The following NALCN variants were observed in gnomAD, a reference collection of about 807,000 sequenced individuals.
NALCN encodes the protein sodium leak channel, non-selective.
NALCN carries 111 observed loss-of-function variants against 225.3 expected under a neutral mutation model. The observed-to-expected ratio is 0.49, with a 90% CI of 0.42 to 0.58. The LOEUF (loss-of-function observed/expected upper bound fraction) is 0.58, where lower values mean the gene tolerates loss of function less well. Ranked by LOEUF, NALCN falls within the 20% of genes least tolerant of loss-of-function variation. NALCN has a pLI of 0.00. For synonymous variants in NALCN, 764 were observed against 769.0 expected (o/e 0.99, Z 0.11); for missense variants, 1,378 against 2,202.4 (o/e 0.63, Z 7.49).
chr13:101,241,359 TGGAC>T (rs1282466074), intron 11 of NALCN, among the ~76,000 whole-genome samples: 2 of 152,226 alleles, frequency 1.3e-5, no homozygotes, highest in African/African-American at 4.8e-5. Flanking sequence ...TCTCAGATTC[TGGAC>T]GTAATGGGAT....
chr13:101,101,281 C>CTTTT lies in NALCN; in HGVS notation c.3058-397_3058-394dup, dbSNP rs60948311. Among the ~76,000 whole-genome samples the CTTTT allele has an allele frequency of 1.8e-3, 198 of 112,370 alleles. 8 individuals carry two copies. Among genetic ancestry groups the CTTTT allele is most frequent in the African/African-American group, 5.1e-3 (143 of 28,234 alleles). The allele number at this position is 112,370 out of a possible 152,430, so 73.7% of individuals were successfully genotyped here. A position where few individuals can be genotyped will look rare whatever the true frequency, so the allele number is the denominator to read the frequency against. Reference sequence around the variant, plus strand: ...GACATATATATATTTATTTTTTTTTCTTTTTTTTTTTTTTTTTGAGATGGA... The same window carrying CTTTT: ...GACATATATATATTTATTTTTTTTTCTTTTTTTTTTTTTTTTTTTTTGAGATGGA... On this transcript the variant is annotated intron_variant, in intron 26 of 43. Coordinates refer to ENST00000251127, the MANE Select transcript of NALCN (RefSeq NM_052867.4).
rs1020870201 is a variant in NALCN, at chr13:101,054,847, T to C, written c.*448A>G. ...ACCTTTTCAGATCAATCATAAATAA[T>C]AAATTCTCTCAAGAGAAATATTTCT... On this transcript the variant is annotated 3_prime_UTR_variant, in exon 44 of 44. Transcript: ENST00000251127. The C allele has an allele frequency of 6.6e-6, 1 of 151,016 alleles. No homozygotes were observed. Among genetic ancestry groups the C allele is most frequent in the African/African-American group, 2.4e-5 (1 of 41,314 alleles). The allele number at this position is 151,016 out of a possible 1,614,324, so 9.4% of individuals were successfully genotyped here. A position where few individuals can be genotyped will look rare whatever the true frequency, so the allele number is the denominator to read the frequency against.
At chr13:101,279,778 C>T (rs1226553874) in intron 10 of NALCN, among the ~76,000 whole-genome samples, 7 of 149,396 alleles carry the variant, frequency 4.7e-5, no homozygotes, top group Admixed American at 4.0e-4. Context: ...GATCCCGCCA[C>T]TGCACTCCAG....
chr13:101,400,817 G>A (rs978571912), intron 1 of NALCN, among the ~76,000 whole-genome samples: 3 of 151,980 alleles, frequency 2.0e-5, no homozygotes, highest in African/African-American at 4.8e-5. Context: ...CAATCCCCAC[G>A]TGTGGAGAGA....
intron 11 of NALCN, among the ~76,000 whole-genome samples, chr13:101,245,468 G>A (rs533191096): frequency 1.1e-4 from 16 of 152,052 alleles, no homozygotes; most frequent in Non-Finnish European, 1.9e-4. Context: ...ACCTCATGGA[G>A]TTTTGATACC....
chr13:101,294,763 A>G (rs61973667), intron 7 of NALCN, among the ~76,000 whole-genome samples: 2,137 of 152,112 alleles, frequency 0.014, 30 homozygotes, highest in Middle Eastern at 0.041. Flanking sequence ...CTTTAACATA[A>G]TATCTGTATG....
chr13:101,227,696 C>T (rs1388158593), intron 13 of NALCN, among the ~76,000 whole-genome samples: 1 of 152,180 alleles, frequency 6.6e-6, no homozygotes, highest in Admixed American at 6.5e-5. Flanking sequence ...CATCTGCTGG[C>T]TCTGGGTCTC....
intron 7 of NALCN, among the ~76,000 whole-genome samples, chr13:101,339,469 T>C (rs1009893752): frequency 6.6e-6 from 1 of 151,990 alleles, no homozygotes; most frequent in Non-Finnish European, 1.5e-5. Flanking sequence ...GAAATAAAGA[T>C]GGAAAGGTGC....
chr13:101,147,406 G>C (rs2037405903), intron 15 of NALCN, among the ~76,000 whole-genome samples: 1 of 143,870 alleles, frequency 7.0e-6, no homozygotes, highest in East Asian at 2.0e-4. Context: ...CCAGGCTGGA[G>C]TGCAGTGGTG....
chr13:101,377,022 G>T lies in NALCN; in HGVS notation c.410C>A (p.Ser137Ter). Residue 137 changes from serine (S) to a stop codon, truncating the protein, a stop_gained, in exon 5 of 44, where the codon TCA becomes TAA. Transcript: ENST00000251127. LOFTEE classifies it high-confidence loss of function. ...TGGAATCCGCAACATGCCCCAAGGT[G>T]ACATCTGATCAACTATATCAGCAAT... ...FEIADIVDQM[S>*]PWGMLRIPRP... 1 of 1,614,138 alleles carries T rather than the reference G, an allele frequency of 6.2e-7. No individual in the cohort carries two copies. The highest frequency in any genetic ancestry group is 8.5e-7 in the Non-Finnish European group (1 of 1,180,002).
At chr13:101,332,397 C>CAAAAAAAA (rs753158247) in intron 7 of NALCN, among the ~76,000 whole-genome samples, 55 of 57,746 alleles carry the variant, frequency 9.5e-4, no homozygotes, top group East Asian at 1.3e-3. Flanking sequence ...TTCACAAAGC[C>CAAAAAAAA]AAAAAAAAAA....
Position 101,416,501 on chromosome 13 carries a change from C to G in NALCN, c.-228G>C. The G allele has an allele frequency of 6.6e-6, 1 of 151,864 alleles. No homozygotes were observed. The highest frequency in any genetic ancestry group is 1.9e-4 in the East Asian group (1 of 5,162). The allele number at this position is 151,864 out of a possible 1,614,324, so 9.4% of individuals were successfully genotyped here. On this transcript the variant is annotated 5_prime_UTR_variant, in exon 1 of 44. Transcript: ENST00000251127. ...GGGCCGCGGCTCACGCTCGCCGTGT[C>G]ACTCACTGAGCGCCGCCGCCGCCGG...
chr13:101,399,122 A>C lies in NALCN; in HGVS notation c.5T>G (p.Leu2Arg). 6.2e-7 allele frequency: 1 copy of C among 1,613,194 alleles called. No individual in the cohort carries two copies. Among genetic ancestry groups the C allele is most frequent in the Non-Finnish European group, 8.5e-7 (1 of 1,179,402 alleles). Residue 2 changes from leucine to arginine, a missense_variant, in exon 2 of 44, where the codon CTC becomes CGC. Coordinates refer to ENST00000251127, the MANE Select transcript of NALCN (RefSeq NM_052867.4). M[L>R]KRKQSSRVEA... ...CACCCTGGAACTCTGCTTCCTTTTG[A>C]GCATGCTGAGGTTAGCTTTGGTGAG...
At chr13:101,254,204 G>A (rs1318920566) in intron 11 of NALCN, among the ~76,000 whole-genome samples, 1 of 151,614 alleles carries the variant, frequency 6.6e-6, no homozygotes, top group Non-Finnish European at 1.5e-5. Flanking sequence ...CTAACATGGC[G>A]AAACCCCATC....
intron 7 of NALCN, among the ~76,000 whole-genome samples, chr13:101,343,915 T>A (rs889260312): frequency 1.1e-4 from 16 of 152,324 alleles, no homozygotes; most frequent in Admixed American, 3.9e-4. Flanking sequence ...TACATGATTT[T>A]AAAAAATTGG....
chr13:101,108,646 G>A (rs189310937), intron 20 of NALCN, among the ~76,000 whole-genome samples: 6 of 152,252 alleles, frequency 3.9e-5, no homozygotes, highest in Admixed American at 2.0e-4. Context: ...AGCAGGCCTG[G>A]CGTGTCTACA....
intron 14 of NALCN, among the ~76,000 whole-genome samples, chr13:101,176,976 T>C (rs889287731): frequency 6.6e-6 from 1 of 152,188 alleles, no homozygotes; most frequent in Non-Finnish European, 1.5e-5. Context: ...GTGTGACTTA[T>C]GAGGCTAGGC....
chr13:101,143,530 T>C (rs369843675), intron 16 of NALCN, among the ~76,000 whole-genome samples: 4 of 151,916 alleles, frequency 2.6e-5, no homozygotes, highest in East Asian at 1.9e-4. Context: ...AATGGTGCAA[T>C]CTCAGCTCAC....
intron 9 of NALCN, among the ~76,000 whole-genome samples, chr13:101,289,414 A>C (rs1311302453): frequency 2.6e-5 from 4 of 152,126 alleles, no homozygotes; most frequent in Non-Finnish European, 5.9e-5. Context: ...TTAAAGAAAC[A>C]GTTCTCATCA....
Sources: gnomAD v4.1 joint callset for allele counts (sites outside exome capture counted in the v4.1 genomes callset) on GRCh38, gnomAD v4.1.1 for gene constraint, MANE v1.5 for transcripts, NCBI Gene and HGNC (gene_info 2026-07-23, HGNC 2026-07-21) for gene names.